The following DDB1 variants were observed in gnomAD, a reference collection of about 807,000 sequenced individuals.
DDB1 encodes the protein DNA damage-binding protein 1.
Under a neutral mutation model 133.1 loss-of-function variants are expected in DDB1, and 18 were observed. That is an observed-to-expected ratio of 0.14 (90% CI 0.09 to 0.20). DDB1 has a LOEUF of 0.20. DDB1 is among the 10% of genes least tolerant of loss of function. DDB1 has a pLI of 1.00. For missense variants in DDB1, 828 were observed against 1,459.2 expected, an observed-to-expected ratio of 0.57 and a Z score of 7.05; for synonymous variants, 580 against 550.5, an observed-to-expected ratio of 1.05 and a Z score of -0.75.
At position 61,332,960 on chromosome 11, in the gene DDB1, G is replaced by C; in HGVS notation, c.9C>G (p.Tyr3Ter). MS[Y>*]NYVVTAQKPT... ...GCTTCTGGGCCGTTACCACGTAGTT[G>C]TACGACATGTCGAGGCTTGGAGCGG... Residue 3 changes from tyrosine to a stop codon, truncating the protein, a stop_gained, in exon 1 of 27, where the codon TAC becomes TAG. Coordinates refer to ENST00000301764, the MANE Select transcript of DDB1 (RefSeq NM_001923.5). LOFTEE classifies it high-confidence loss of function. The C allele has an allele frequency of 6.6e-7, 1 of 1,516,140 alleles. No individual in the cohort carries two copies. The highest frequency in any genetic ancestry group is 8.9e-7 in the Non-Finnish European group (1 of 1,125,834). 93.9% of individuals were successfully genotyped at this position (1,516,140 alleles called of 1,614,324 possible). A position where few individuals can be genotyped will look rare whatever the true frequency, so the allele number is the denominator to read the frequency against.
In DDB1 at chr11:61,316,282, C is replaced by T. The variant is rs1246648490; in HGVS notation, c.1410+3G>A. The T allele has an allele frequency of 1.2e-6, 2 of 1,613,772 alleles. No individual in the cohort carries two copies. Among genetic ancestry groups the T allele is most frequent in the East Asian group, 2.2e-5 (1 of 44,886 alleles). ...TAACACCTGCCCCTTTCTCAGTTATCACCTGGATAAGCTGCTGATGAGCCA... is the reference window on the plus strand; with the variant it reads ...TAACACCTGCCCCTTTCTCAGTTATTACCTGGATAAGCTGCTGATGAGCCA... On this transcript the variant is annotated splice_donor_region_variant and intron_variant, in intron 12 of 26. Transcript: ENST00000301764.
At chr11:61,303,561 G>T (rs779367799) in intron 22 of DDB1, among the ~76,000 whole-genome samples, 15 of 152,144 alleles carry the variant, frequency 9.9e-5, no homozygotes, top group South Asian at 2.1e-4. Flanking sequence ...GTTGGCAGGT[G>T]CCTGTAGTCC....
At chr11:61,322,475 A>C in intron 8 of DDB1, 63 bp from the exon 9 acceptor site, 1 of 1,230,188 alleles carries the variant, frequency 8.1e-7, no homozygotes, top group East Asian at 2.3e-5. Context: ...CCCAAAAGAG[A>C]TGGTTATTGT....
intron 12 of DDB1, chr11:61,315,805 G>GA (rs1856053272): frequency 6.5e-6 from 1 of 154,130 alleles, no homozygotes; most frequent in African/African-American, 2.4e-5. Context: ...GTAAGGATCA[G>GA]AATAGGGTAA....
chr11:61,300,596 A>G (rs916930311), intron 26 of DDB1, among the ~76,000 whole-genome samples: 1 of 152,250 alleles, frequency 6.6e-6, no homozygotes, highest in African/African-American at 2.4e-5. Flanking sequence ...GGGTAGAGTT[A>G]CTAGCACAGC....
Position 61,300,014 on chromosome 11 carries a change from T to G in DDB1, c.*122A>C. ...CACTTCCACATAGGGGAACTGTGGC[T>G]CTGGGGGCAGCTGGCTTAGGGAAAG... On this transcript the variant is annotated 3_prime_UTR_variant, in exon 27 of 27. Transcript: ENST00000301764. 1.1e-6 allele frequency: 1 copy of G among 901,748 alleles called. No homozygotes were observed. The highest frequency in any genetic ancestry group is 1.8e-6 in the Non-Finnish European group (1 of 559,850). The allele number at this position is 901,748 out of a possible 1,614,324, so 55.9% of individuals were successfully genotyped here.
chr11:61,311,342 A>C (rs1392613254), intron 18 of DDB1: 1 of 161,106 alleles, frequency 6.2e-6, no homozygotes, highest in Non-Finnish European at 1.3e-5. Flanking sequence ...ACATAACATA[A>C]CAAACATAAC....
At chr11:61,329,673 GGA>G in intron 3 of DDB1, 89 bp from the exon 4 acceptor site, 1 of 1,274,146 alleles carries the variant, frequency 7.8e-7, no homozygotes, top group Non-Finnish European at 1.1e-6. Context: ...AAAAATTTTA[GGA>G]GAGGTATTAA....
rs1460950393 is a variant in DDB1 at position 61,330,004 on chromosome 11, C to T, written c.281G>A (p.Ser94Asn). 4 of 1,613,972 alleles carry T rather than the reference C, an allele frequency of 2.5e-6. No homozygotes were observed. Among genetic ancestry groups the T allele is most frequent in the African/African-American group, 1.3e-5 (1 of 74,928 alleles). The change falls in exon 3 of 27, where the codon AGT becomes AAT. Residue 94 changes from serine to asparagine, a missense_variant. Coordinates refer to ENST00000301764, the MANE Select transcript of DDB1 (RefSeq NM_001923.5). ...CGTAATGATGTCAATGCTCTCGCCA[C>T]TCTGTTTATACTCCAGGATGCAGGC... is the stretch of plus-strand genomic sequence containing the variant. ...YNACILEYKQSGESIDIITRA... is the reference protein window; with the variant it reads ...YNACILEYKQNGESIDIITRA...
intron 4 of DDB1, 121 bp from the exon 5 acceptor site, chr11:61,327,014 C>G (rs1189249249): frequency 1.4e-6 from 1 of 702,790 alleles, no homozygotes; most frequent in East Asian, 2.5e-5. Flanking sequence ...GTCAGCCCTC[C>G]CACCCTTATC....
chr11:61,331,914 G>T, intron 1 of DDB1: 1 of 536,334 alleles, frequency 1.9e-6, no homozygotes, highest in Non-Finnish European at 3.3e-6. Flanking sequence ...AAGAAAACTG[G>T]ACTGGACCTA....
chr11:61,321,976 T>C (rs1856187354), intron 9 of DDB1: 1 of 544,370 alleles, frequency 1.8e-6, no homozygotes, highest in African/African-American at 1.9e-5. Context: ...ACAGGATCTG[T>C]TAGATACACC....
chr11:61,314,823 CTTTTTTTTTTT>C (rs549452269), intron 12 of DDB1: 3 of 81,178 alleles, frequency 3.7e-5, no homozygotes, highest in Non-Finnish European at 6.8e-5. Context: ...AGTTTTTTGG[CTTTTTTTTTTT>C]TTTTTTTTTT....
At chr11:61,305,399 C>T (rs959335252) in intron 21 of DDB1, among the ~76,000 whole-genome samples, 1 of 152,126 alleles carries the variant, frequency 6.6e-6, no homozygotes, top group Non-Finnish European at 1.5e-5. Context: ...CCCAGCTACT[C>T]GGGAGGCTGA....
chr11:61,300,663 G>C, intron 26 of DDB1, 146 bp downstream of exon 26: 2 of 1,322,872 alleles, frequency 1.5e-6, no homozygotes, highest in Non-Finnish European at 2.1e-6. Context: ...TTTTCCCTCA[G>C]ACTCCACCTT....
Position 61,311,880 on chromosome 11 carries a change from C to G in DDB1, c.2181G>C (p.Gln727His), listed in dbSNP as rs1855979004. Residue 727 changes from glutamine to histidine, a missense_variant, in exon 18 of 27, where the codon CAG becomes CAC. Transcript: ENST00000301764. The stretch of plus-strand genomic sequence containing the variant: ...GGACCCCGAAACACTGGGACACTTC[C>G]TGGTAGCAGATCTTCCTGCAGAACA... Reference protein sequence around the residue: ...LYESPRKICYQEVSQCFGVLS... With the variant: ...LYESPRKICYHEVSQCFGVLS... 6.2e-7 allele frequency: 1 copy of G among 1,614,070 alleles called. No homozygotes were observed.
chr11:61,322,606 C>T (rs1856200779), intron 8 of DDB1, 194 bp from the exon 9 acceptor site: 4 of 579,400 alleles, frequency 6.9e-6, no homozygotes, highest in Admixed American at 6.0e-5. Context: ...CATTAATCAG[C>T]CAAGGATTGC....
At chr11:61,306,965 CAAATTGCCAA>C (rs1855891033) in intron 21 of DDB1, among the ~76,000 whole-genome samples, 1 of 152,214 alleles carries the variant, frequency 6.6e-6, no homozygotes. Flanking sequence ...CCACTCTACT[CAAATTGCCAA>C]TACCTCCTTC....
At chr11:61,328,275 A>G (rs1481744131) in intron 4 of DDB1, among the ~76,000 whole-genome samples, 1 of 152,268 alleles carries the variant, frequency 6.6e-6, no homozygotes, top group Non-Finnish European at 1.5e-5. Flanking sequence ...CTACAGTAAC[A>G]CTAAGAAATA....
Sources: gnomAD v4.1 joint callset for allele counts (sites outside exome capture counted in the v4.1 genomes callset) on GRCh38, gnomAD v4.1.1 for gene constraint, MANE v1.5 for transcripts, NCBI Gene and HGNC (gene_info 2026-07-23, HGNC 2026-07-21) for gene names.